The following ADAP1 variants were observed in gnomAD, a reference collection of about 807,000 sequenced individuals.
ADAP1 encodes the protein ArfGAP with dual PH domains 1.
ADAP1 carries 31 observed loss-of-function variants against 54.9 expected under a neutral mutation model. The observed-to-expected ratio is 0.56, with a 90% CI of 0.42 to 0.76. The LOEUF (loss-of-function observed/expected upper bound fraction) is 0.76, where lower values mean the gene tolerates loss of function less well. ADAP1 is among the 30% of genes least tolerant of loss of function. The pLI is 0.00. For synonymous variants in ADAP1, 313 were observed against 202.6 expected (o/e 1.55, Z -4.63); for missense variants, 535 against 512.4 (o/e 1.04, Z -0.42).
At position 904,236 on chromosome 7, in the gene ADAP1, G is replaced by A. The variant is rs773757384; in HGVS notation, c.538C>T (p.Leu180=). The A allele has an allele frequency of 4.3e-5, 69 of 1,608,916 alleles. 1 individual carries two copies. The South Asian group carries it at 7.4e-4, about 17-fold the overall frequency. ...EPKAVMKIEH[L]NATFQPAKIG... is the part of the protein sequence containing the mutation. Reference sequence around the variant, plus strand: ...TTGGCCGGCTGGAAGGTGGCGTTCAGGTGCTCGATCTTCATCACGGCCTTG... The same window carrying A: ...TTGGCCGGCTGGAAGGTGGCGTTCAAGTGCTCGATCTTCATCACGGCCTTG... The change falls in exon 6 of 11, where the codon CTG becomes TTG. Residue 180 remains leucine (L), a synonymous_variant. Transcript: ENST00000265846.
At chr7:901,946 C>G (rs778839429) in intron 6 of ADAP1, among the ~76,000 whole-genome samples, 14 of 152,216 alleles carry the variant, frequency 9.2e-5, no homozygotes, top group Non-Finnish European at 1.8e-4. Flanking sequence ...CCTTTTCCCC[C>G]AGCAGGAGAT....
At chr7:911,112 G>C (rs1259622379) in intron 4 of ADAP1, among the ~76,000 whole-genome samples, 1 of 152,186 alleles carries the variant, frequency 6.6e-6, no homozygotes, top group East Asian at 1.9e-4. Context: ...GCCGTATCCT[G>C]CGGAGGGCTC....
intron 6 of ADAP1, chr7:901,185 G>GC (rs968386539): frequency 2.8e-6 from 1 of 363,520 alleles, no homozygotes; most frequent in African/African-American, 2.1e-5. Flanking sequence ...GGAACAGAGG[G>GC]CCCATAGCCC....
intron 1 of ADAP1, among the ~76,000 whole-genome samples, chr7:935,890 T>G (rs1471610196): frequency 2.0e-5 from 3 of 152,206 alleles, no homozygotes; most frequent in African/African-American, 4.8e-5. Context: ...GGGAGAAGTC[T>G]GTGGGCCCGA....
intron 4 of ADAP1, among the ~76,000 whole-genome samples, chr7:908,920 C>G (rs1018148237): frequency 7.2e-5 from 11 of 152,234 alleles, no homozygotes; most frequent in African/African-American, 2.4e-4. Flanking sequence ...GACCCCTGCC[C>G]AGGACACAGC....
intron 4 of ADAP1, among the ~76,000 whole-genome samples, chr7:919,173 G>A (rs2128104219): frequency 7.0e-6 from 1 of 142,308 alleles, no homozygotes; most frequent in East Asian, 2.1e-4. Flanking sequence ...TAGGGGAGGT[G>A]GAGGCCGCAG....
At chr7:910,283 T>C (rs1267927314) in intron 4 of ADAP1, among the ~76,000 whole-genome samples, 4 of 151,744 alleles carry the variant, frequency 2.6e-5, no homozygotes, top group Admixed American at 6.6e-5. Context: ...TTTTTTTTTT[T>C]TCCCCACCCA....
chr7:938,669 C>G lies in ADAP1; in HGVS notation c.83-3164G>C, dbSNP rs762897975. On this transcript the variant is annotated intron_variant, in intron 1 of 10. Transcript: ENST00000265846. This position sits in a 1 kb window ranked among gnomAD's most constrained non-coding sequence, Gnocchi z 4.4. ...AGAAGGCACGCCAGTCTCCGGGCCT[C>G]GGTCTCCTCATCTGTCGGATGGGAC... Among the ~76,000 whole-genome samples the G allele has an allele frequency of 2.6e-5, 4 of 152,152 alleles. No homozygotes were observed. The highest frequency in any genetic ancestry group is 5.9e-5 in the Non-Finnish European group (4 of 68,030).
intron 1 of ADAP1, among the ~76,000 whole-genome samples, chr7:947,600 A>G (rs1314579023): frequency 6.6e-6 from 1 of 151,672 alleles, no homozygotes; most frequent in Non-Finnish European, 1.5e-5. Flanking sequence ...TCTGCCCACC[A>G]CACCCCGACA....
intron 1 of ADAP1, 122 bp downstream of exon 1, chr7:954,274 G>A (rs1426315027): frequency 3.3e-6 from 3 of 916,162 alleles, no homozygotes; most frequent in Non-Finnish European, 1.3e-6. Flanking sequence ...GGTGTTCAGC[G>A]CCGCCACCCC....
In ADAP1 at chr7:954,653, G is replaced by T; in HGVS notation, c.-176C>A. 3 of 982,568 alleles carry T rather than the reference G, an allele frequency of 3.1e-6. No individual in the cohort carries two copies. The highest frequency in any genetic ancestry group is 3.6e-6 in the Non-Finnish European group (3 of 829,254). 60.9% of individuals were successfully genotyped at this position (982,568 alleles called of 1,614,324 possible). A position where few individuals can be genotyped will look rare whatever the true frequency, so the allele number is the denominator to read the frequency against. On this transcript the variant is annotated 5_prime_UTR_variant, in exon 1 of 11. Transcript: ENST00000265846. ...CCTCTGGGCTCCGCCGCCGCCGCTC[G>T]TGTCTCCGCCGCGGTCGCTGAGCGA... is the stretch of plus-strand genomic sequence containing the variant.
At chr7:914,953 C>T (rs1431393372) in intron 4 of ADAP1, among the ~76,000 whole-genome samples, 1 of 151,786 alleles carries the variant, frequency 6.6e-6, no homozygotes. Flanking sequence ...GGGCCCTGAG[C>T]ACAGGGCCAT....
rs1209061365 is a variant in ADAP1 at position 946,857 on chromosome 7, CG to C, written c.82+7538del. On this transcript the variant is annotated intron_variant, in intron 1 of 10. Coordinates refer to ENST00000265846, the MANE Select transcript of ADAP1 (RefSeq NM_006869.4). The surrounding 1 kb of genome is among the most constrained non-coding windows in gnomAD (Gnocchi z 4.3). ...CACTTTGAAATGATTAACCTGAGGC[CG>C]GGCGGGGCGGCTCACGCCTGCAATC... 6.6e-6 allele frequency among the ~76,000 whole-genome samples: 1 copy of C among 152,196 alleles called. No homozygotes were observed. The highest frequency in any genetic ancestry group is 2.4e-5 in the African/African-American group (1 of 41,436).
chr7:928,946 C>T (rs1331427405), intron 2 of ADAP1, among the ~76,000 whole-genome samples: 2 of 152,200 alleles, frequency 1.3e-5, no homozygotes, highest in African/African-American at 4.8e-5. Context: ...GTGAACGGAA[C>T]CACAGATAAA....
chr7:938,820 G>A lies in ADAP1; in HGVS notation c.83-3315C>T, dbSNP rs1248439417. ...GCTGTTGGTTCTGCTCCGACAGTGT[G>A]GACCACGGACCCAGGCTTCCTGTCT... On this transcript the variant is annotated intron_variant, in intron 1 of 10. Transcript: ENST00000265846. The surrounding 1 kb of genome is among the most constrained non-coding windows in gnomAD (Gnocchi z 4.4). Among the ~76,000 whole-genome samples the A allele has an allele frequency of 1.3e-5, 2 of 152,234 alleles. No homozygotes were observed. Among genetic ancestry groups the A allele is most frequent in the East Asian group, 3.8e-4 (2 of 5,200 alleles).
chr7:955,088 C>T (rs1429086411), upstream of ADAP1, among the ~76,000 whole-genome samples: 4 of 152,266 alleles, frequency 2.6e-5, no homozygotes, highest in East Asian at 5.8e-4. Flanking sequence ...CTGGGAGGGA[C>T]GGCCAGCAGG....
chr7:903,498 G>GCA (rs1278862222), intron 6 of ADAP1, among the ~76,000 whole-genome samples: 2 of 152,206 alleles, frequency 1.3e-5, no homozygotes, highest in Non-Finnish European at 2.9e-5. Flanking sequence ...TAGACCGTGT[G>GCA]CACACAGACG....
At chr7:908,924 A>C (rs1845591331) in intron 4 of ADAP1, among the ~76,000 whole-genome samples, 1 of 152,174 alleles carries the variant, frequency 6.6e-6, no homozygotes, top group South Asian at 2.1e-4. Context: ...CCTGCCCAGG[A>C]CACAGCGGGG....
intron 4 of ADAP1, among the ~76,000 whole-genome samples, chr7:916,398 T>C (rs1845933647): frequency 6.6e-6 from 1 of 152,336 alleles, no homozygotes; most frequent in African/African-American, 2.4e-5. Context: ...TTCCATCCTT[T>C]ACAACCAGAG....
Sources: gnomAD v4.1 joint callset for allele counts (sites outside exome capture counted in the v4.1 genomes callset) on GRCh38, gnomAD v4.1.1 for gene constraint, Gnocchi (gnomAD v3.1) non-coding constraint, MANE v1.5 for transcripts, NCBI Gene and HGNC (gene_info 2026-07-23, HGNC 2026-07-21) for gene names.